Variants in PCDH15 observed in about 807,000 individuals in gnomAD.
PCDH15 encodes the protein protocadherin related 15.
A neutral mutation model predicts 178.5 loss-of-function variants in PCDH15; 129 were observed. The observed-to-expected ratio is 0.72, with a 90% CI of 0.63 to 0.84. The LOEUF is 0.84. PCDH15 is among the 40% of genes least tolerant of loss of function. The probability of loss-of-function intolerance (pLI) is 0.00; values close to 1 mark genes in which losing one functional copy is unlikely to be tolerated. For missense variants in PCDH15, 2,230 were observed against 2,099.9 expected (o/e 1.06, Z -1.21); for synonymous variants, 800 against 732.0 (o/e 1.09, Z -1.50).
chr10:55,576,703 A>G (rs143326740), intron 2 of PCDH15, among the ~76,000 whole-genome samples: 3,326 of 150,966 alleles, frequency 0.022, 68 homozygotes, highest in Non-Finnish European at 0.03. Flanking sequence ...ACTTTCATTT[A>G]TATACCAAAA....
chr10:54,859,501 C>A (rs558511580), intron 3 of PCDH15, among the ~76,000 whole-genome samples: 6 of 151,906 alleles, frequency 3.9e-5, no homozygotes, highest in Admixed American at 6.6e-5. Context: ...TCATTTTGTA[C>A]ATGAACATAA....
Position 54,518,497 on chromosome 10 carries a change from C to A in PCDH15, c.157+9315G>T, listed in dbSNP as rs2082469595. 9.9e-5 allele frequency among the ~76,000 whole-genome samples: 15 copies of A among 152,156 alleles called. 1 individual carries two copies. In the South Asian group the frequency reaches 3.1e-3, roughly 31 times the overall value. Reference sequence around the variant, plus strand: ...AAATTCCTCAACACATACACCCCCCCAAGACTAAACCAGGAAGAAGTTGAA... The same window carrying A: ...AAATTCCTCAACACATACACCCCCCAAAGACTAAACCAGGAAGAAGTTGAA... On this transcript the variant is annotated intron_variant, in intron 3 of 37. Coordinates refer to ENST00000644397, the MANE Select transcript of PCDH15 (RefSeq NM_001384140.1).
intron 1 of PCDH15, among the ~76,000 whole-genome samples, chr10:54,723,166 G>A (rs1338271425): frequency 6.6e-6 from 1 of 151,648 alleles, no homozygotes; most frequent in African/African-American, 2.4e-5. Flanking sequence ...TAAGTCTATA[G>A]TAATTAAGAT....
In PCDH15 at chr10:54,906,535, C is replaced by T. The variant is rs193101370; in HGVS notation, c.-79-9035G>A. ...ATGTTTAATTTCATAATTTAAACTC[C>T]AGGATTTATTTGAGGATTGTTTGAA... On this transcript the variant is annotated intron_variant, in intron 2 of 5. Transcript: ENST00000458638. Among the ~76,000 whole-genome samples the T allele has an allele frequency of 3.3e-3, 498 of 151,912 alleles. 2 individuals are homozygous for T. The highest frequency in any genetic ancestry group is 9.2e-3 in the South Asian group (44 of 4,808).
intron 1 of PCDH15, among the ~76,000 whole-genome samples, chr10:54,766,846 C>T (rs564487669): frequency 6.6e-5 from 10 of 152,082 alleles, no homozygotes; most frequent in African/African-American, 2.2e-4. Context: ...AGGAGAATGA[C>T]GTGAACCCCG....
intron 2 of PCDH15, among the ~76,000 whole-genome samples, chr10:55,394,117 T>C (rs1440794451): frequency 6.6e-6 from 1 of 152,082 alleles, no homozygotes; most frequent in African/African-American, 2.4e-5. Flanking sequence ...GACTATGTCT[T>C]CCAGGTTTGT....
chr10:54,286,257 C>A (rs976515970), intron 8 of PCDH15, among the ~76,000 whole-genome samples: 2 of 152,048 alleles, frequency 1.3e-5, no homozygotes, highest in Non-Finnish European at 2.9e-5. Context: ...ATGCTGTATA[C>A]CCTGAAAAGA....
intron 10 of PCDH15, among the ~76,000 whole-genome samples, chr10:54,197,775 A>G (rs7899173): frequency 6.6e-6 from 1 of 152,010 alleles, no homozygotes; most frequent in Non-Finnish European, 1.5e-5. Context: ...ACCAAGAAAT[A>G]TTACAATATA....
Position 54,881,845 on chromosome 10 carries a change from G to T in PCDH15, c.-29+15605C>A, listed in dbSNP as rs1326588601. Among the ~76,000 whole-genome samples, 3 of 152,038 alleles carry T rather than the reference G, an allele frequency of 2.0e-5. No homozygotes were observed. In the East Asian group the frequency reaches 5.8e-4, roughly 29 times the overall value. Reference sequence around the variant, plus strand: ...TTTTAAGTATTAAAAATATATTTTTGTTTATAAGTGTTTTCTCAAAAGTGT... The same window carrying T: ...TTTTAAGTATTAAAAATATATTTTTTTTTATAAGTGTTTTCTCAAAAGTGT... On this transcript the variant is annotated intron_variant, in intron 3 of 5. Transcript: ENST00000458638.
At chr10:55,580,550 G>C (rs1362071910) in intron 2 of PCDH15, among the ~76,000 whole-genome samples, 5 of 151,560 alleles carry the variant, frequency 3.3e-5, no homozygotes, top group Admixed American at 3.3e-4. Flanking sequence ...TAGAGACGGG[G>C]GTTTGCCATG....
intron 10 of PCDH15, among the ~76,000 whole-genome samples, chr10:54,204,665 C>T (rs1283882867): frequency 6.6e-6 from 1 of 152,110 alleles, no homozygotes; most frequent in Non-Finnish European, 1.5e-5. Context: ...CCTTCCTCTC[C>T]TATCACAGTA....
rs539651678 is a variant in PCDH15 at position 54,857,123 on chromosome 10, G to A, written c.-29+40327C>T. Among the ~76,000 whole-genome samples the A allele has an allele frequency of 3.9e-5, 6 of 152,158 alleles. No individual in the cohort carries two copies. In the South Asian group the frequency reaches 1.0e-3, roughly 26 times the overall value. On this transcript the variant is annotated intron_variant, in intron 3 of 5. Coordinates refer to the PCDH15 transcript ENST00000458638. ...TACATACCCATTGCCTCAATACTGT[G>A]GGTTTAGTGGACATTGAATTCACCT...
At chr10:54,630,444 T>C (rs1170314521) in intron 2 of PCDH15, among the ~76,000 whole-genome samples, 1 of 152,178 alleles carries the variant, frequency 6.6e-6, no homozygotes, top group Non-Finnish European at 1.5e-5. Context: ...TGGTGCTAGT[T>C]TAACTGGCTA....
intron 4 of PCDH15, among the ~76,000 whole-genome samples, chr10:54,377,911 C>T (rs761185252): frequency 8.6e-5 from 13 of 151,924 alleles, no homozygotes; most frequent in Non-Finnish European, 1.9e-4. Flanking sequence ...CATCCAACTA[C>T]GTTGGTAATT....
intron 4 of PCDH15, among the ~76,000 whole-genome samples, chr10:54,374,040 C>G (rs1948062398): frequency 6.6e-6 from 1 of 151,952 alleles, no homozygotes; most frequent in Non-Finnish European, 1.5e-5. Context: ...TAGCAAAACT[C>G]AAGAGACAGA....
At chr10:54,736,963 A>G (rs1286115579) in intron 1 of PCDH15, among the ~76,000 whole-genome samples, 2 of 152,044 alleles carry the variant, frequency 1.3e-5, no homozygotes, top group East Asian at 1.9e-4. Context: ...GGGGGACAAA[A>G]TCATAGGCCA....
At chr10:55,186,022 T>C (rs946350581) in intron 1 of PCDH15, among the ~76,000 whole-genome samples, 6 of 151,598 alleles carry the variant, frequency 4.0e-5, no homozygotes, top group African/African-American at 1.2e-4. Flanking sequence ...ATTTTCTCCT[T>C]CAGAAACAAA....
chr10:54,171,465 A>G (rs1036015152), intron 13 of PCDH15, among the ~76,000 whole-genome samples: 3 of 152,086 alleles, frequency 2.0e-5, no homozygotes, highest in African/African-American at 7.2e-5. Flanking sequence ...GAGCAACTTA[A>G]GACTGTGCCC....
intron 1 of PCDH15, among the ~76,000 whole-genome samples, chr10:54,674,397 A>G (rs1012204714): frequency 2.0e-5 from 3 of 152,166 alleles, no homozygotes; most frequent in East Asian, 1.9e-4. Context: ...TTACCAATTT[A>G]TACTATGAAA....
Sources: allele counts gnomAD v4.1 joint callset (sites outside exome capture counted in the v4.1 genomes callset), GRCh38; gene constraint gnomAD v4.1.1; transcripts MANE v1.5; gene names NCBI Gene and HGNC (gene_info 2026-07-23, HGNC 2026-07-21).